CBLB: variants seen among roughly 807,000 people sequenced by gnomAD.
CBLB encodes Cbl proto-oncogene B.
In CBLB, 31 loss-of-function variants were observed where a neutral mutation model predicts 104.9. The ratio of observed to expected loss-of-function variants is 0.30; its 90% CI spans 0.22 to 0.40. The LOEUF is 0.40. CBLB is among the 10% of genes least tolerant of loss of function. CBLB has a pLI of 1.00. For missense variants in CBLB, 1,062 were observed against 1,214.6 expected (o/e 0.87, Z 1.87); for synonymous variants, 440 against 422.6 (o/e 1.04, Z -0.51).
intron 9 of CBLB, among the ~76,000 whole-genome samples, chr3:105,725,416 C>A (rs1029906508): frequency 6.6e-6 from 1 of 152,168 alleles, no homozygotes; most frequent in Non-Finnish European, 1.5e-5. Flanking sequence ...TTGGAGTCAA[C>A]TGAAAATGTT....
At chr3:105,819,349 T>A (rs2085497980) in intron 3 of CBLB, among the ~76,000 whole-genome samples, 1 of 152,038 alleles carries the variant, frequency 6.6e-6, no homozygotes, top group Non-Finnish European at 1.5e-5. Flanking sequence ...TAGCCAGGCG[T>A]GGTGGCACAT....
chr3:105,735,599 T>C (rs1471498512), intron 8 of CBLB, among the ~76,000 whole-genome samples: 4 of 152,290 alleles, frequency 2.6e-5, no homozygotes, highest in Admixed American at 1.3e-4. Context: ...TTCACACATA[T>C]TTGAAAATAC....
intron 7 of CBLB, among the ~76,000 whole-genome samples, chr3:105,738,852 C>G (rs772461849): frequency 7.2e-5 from 11 of 152,044 alleles, no homozygotes; most frequent in Non-Finnish European, 1.5e-4. Context: ...CATTTGGTAC[C>G]ATAACTTGCC....
chr3:105,680,085 A>G (rs1324349811), intron 16 of CBLB, among the ~76,000 whole-genome samples: 2 of 152,182 alleles, frequency 1.3e-5, no homozygotes, highest in Non-Finnish European at 2.9e-5. Flanking sequence ...TTTACAAGTG[A>G]AAGTGTTTTA....
At chr3:105,819,782 T>C (rs1176764906) in intron 3 of CBLB, among the ~76,000 whole-genome samples, 1 of 152,172 alleles carries the variant, frequency 6.6e-6, no homozygotes, top group Non-Finnish European at 1.5e-5. Flanking sequence ...TATTATTATA[T>C]GGAAAAATAT....
intron 2 of CBLB, among the ~76,000 whole-genome samples, chr3:105,857,281 C>T (rs949920887): frequency 2.6e-5 from 4 of 152,018 alleles, no homozygotes; most frequent in Admixed American, 1.3e-4. Context: ...AACTGTAATT[C>T]CATGTGGGAA....
chr3:105,842,031 G>T (rs1450572403), intron 3 of CBLB, among the ~76,000 whole-genome samples: 5 of 150,898 alleles, frequency 3.3e-5, no homozygotes, highest in African/African-American at 1.2e-4. Flanking sequence ...AAAAAAAAAA[G>T]AGGGTTACAG....
chr3:105,693,654 G>T, intron 12 of CBLB, 66 bp from the exon 13 acceptor site: 1 of 1,004,224 alleles, frequency 1.0e-6, no homozygotes, highest in South Asian at 1.3e-5. Context: ...AGCCATAGCT[G>T]CTCTACCATT....
intron 18 of CBLB, among the ~76,000 whole-genome samples, chr3:105,662,360 C>A (rs2063871341): frequency 6.6e-6 from 1 of 152,152 alleles, no homozygotes; most frequent in Non-Finnish European, 1.5e-5. Flanking sequence ...AGTTTGGGAG[C>A]ACACTGAAAT....
At chr3:105,748,215 T>C (rs1372022374) in intron 5 of CBLB, among the ~76,000 whole-genome samples, 2 of 152,156 alleles carry the variant, frequency 1.3e-5, no homozygotes, top group Non-Finnish European at 2.9e-5. Context: ...ATTAATGAAG[T>C]GAATAAAGGA....
At chr3:105,866,282 T>A (rs545058623) in intron 2 of CBLB, among the ~76,000 whole-genome samples, 10 of 152,236 alleles carry the variant, frequency 6.6e-5, no homozygotes, top group Admixed American at 3.3e-4. Context: ...CACATTCATA[T>A]GTTGCTACTA....
At chr3:105,816,938 T>C (rs1382196287) in intron 3 of CBLB, among the ~76,000 whole-genome samples, 2 of 152,064 alleles carry the variant, frequency 1.3e-5, no homozygotes, top group Non-Finnish European at 2.9e-5. Flanking sequence ...ATGCATGCTA[T>C]TAAAAGTGAA....
chr3:105,860,250 A>G (rs2091982739), intron 2 of CBLB, among the ~76,000 whole-genome samples: 1 of 152,240 alleles, frequency 6.6e-6, no homozygotes. Context: ...GGAAGCAAAC[A>G]AGGTAAGGAC....
chr3:105,725,608 G>A (rs938680197), intron 9 of CBLB, among the ~76,000 whole-genome samples: 6 of 152,048 alleles, frequency 3.9e-5, no homozygotes, highest in Non-Finnish European at 8.8e-5. Context: ...TAACGTGTTT[G>A]GACAACTCTC....
chr3:105,838,083 CTTTTTTTTTT>C (rs11294272), intron 3 of CBLB, among the ~76,000 whole-genome samples: 1 of 116,348 alleles, frequency 8.6e-6, no homozygotes, highest in Non-Finnish European at 1.8e-5. Flanking sequence ...TCCTTTTTTT[CTTTTTTTTTT>C]TTTTTCTGAG....
intron 5 of CBLB, among the ~76,000 whole-genome samples, chr3:105,747,739 G>A (rs2076246007): frequency 6.6e-6 from 1 of 151,982 alleles, no homozygotes; most frequent in Non-Finnish European, 1.5e-5. Flanking sequence ...CATCTATGAA[G>A]GACAAGGATG....
rs1035869161 is a variant in CBLB at position 105,740,550 on chromosome 3, G to A, written c.927C>T (p.Thr309=). Residue 309 remains threonine, a synonymous_variant, in exon 7 of 19, where the codon ACC becomes ACT. Coordinates refer to ENST00000394030, the MANE Select transcript of CBLB (RefSeq NM_170662.5). ...GAAATAAGGGCTTGTTATGAGGTAT[G>A]GTCTGTAAGATATTCCCATCCCCAG... The part of the protein sequence containing the change: ...YVTGDGNILQ[T]IPHNKPLFQA... 11 of 1,613,778 alleles carry A rather than the reference G, an allele frequency of 6.8e-6. No homozygotes were observed. The African/African-American group carries it at 1.5e-4, about 22-fold the overall frequency.
At chr3:105,715,570 G>A (rs1295062822) in intron 10 of CBLB, among the ~76,000 whole-genome samples, 1 of 152,162 alleles carries the variant, frequency 6.6e-6, no homozygotes, top group African/African-American at 2.4e-5. Flanking sequence ...TTTAAAGAAT[G>A]TAATATGCTG....
intron 3 of CBLB, among the ~76,000 whole-genome samples, chr3:105,826,840 A>C (rs1470341612): frequency 6.6e-6 from 1 of 152,210 alleles, no homozygotes; most frequent in Admixed American, 6.5e-5. Context: ...TTGGTATGAA[A>C]GGAAATGTTC....
Sources: allele counts gnomAD v4.1 joint callset (sites outside exome capture counted in the v4.1 genomes callset), GRCh38; gene constraint gnomAD v4.1.1; transcripts MANE v1.5; gene names NCBI Gene and HGNC (gene_info 2026-07-23, HGNC 2026-07-21).